ABI3BP: variants seen among roughly 807,000 people sequenced by gnomAD.
ABI3BP encodes the protein ABI family member 3 binding protein.
A neutral mutation model predicts 268.6 loss-of-function variants in ABI3BP; 216 were observed. That is an observed-to-expected ratio of 0.80 (90% CI 0.72 to 0.90). ABI3BP has a LOEUF of 0.90. Ranked by LOEUF, ABI3BP falls within the 40% of genes least tolerant of loss-of-function variation. ABI3BP has a pLI of 0.00. For synonymous variants in ABI3BP, 730 were observed against 730.0 expected, an observed-to-expected ratio of 1.00 and a Z score of 0.00; for missense variants, 2,090 against 2,182.4, an observed-to-expected ratio of 0.96 and a Z score of 0.84.
At chr3:100,766,588 C>T (rs962106783) in intron 62 of ABI3BP, among the ~76,000 whole-genome samples, 8 of 152,176 alleles carry the variant, frequency 5.3e-5, no homozygotes, top group Non-Finnish European at 1.0e-4. Context: ...AAATTAATGT[C>T]CTTAAAGTCT....
intron 2 of ABI3BP, among the ~76,000 whole-genome samples, chr3:100,924,313 A>G (rs973755531): frequency 3.9e-5 from 6 of 152,180 alleles, no homozygotes; most frequent in African/African-American, 1.4e-4. Context: ...CAACCCTGAA[A>G]AGACATTTTT....
At chr3:100,948,840 T>C (rs1335064149) in intron 1 of ABI3BP, among the ~76,000 whole-genome samples, 2 of 152,200 alleles carry the variant, frequency 1.3e-5, no homozygotes, top group Non-Finnish European at 1.5e-5. Flanking sequence ...AATCCAAACA[T>C]TCAAAATCCA....
chr3:100,926,173 G>C (rs2153639339), intron 2 of ABI3BP, 129 bp downstream of exon 2: 1 of 932,938 alleles, frequency 1.1e-6, no homozygotes. Flanking sequence ...AAGATGTCTT[G>C]TAATTCTACC....
chr3:100,849,959 A>C, intron 17 of ABI3BP, 86 bp downstream of exon 17: 1 of 1,235,966 alleles, frequency 8.1e-7, no homozygotes, highest in African/African-American at 1.5e-5. Context: ...AACAAAAGAA[A>C]AACAAAATTC....
intron 2 of ABI3BP, among the ~76,000 whole-genome samples, chr3:100,905,549 C>T (rs1251216936): frequency 6.7e-6 from 1 of 148,334 alleles, no homozygotes; most frequent in Non-Finnish European, 1.5e-5. Flanking sequence ...TTTTTTTTTC[C>T]AACTCTTCCT....
intron 4 of ABI3BP, among the ~76,000 whole-genome samples, chr3:100,894,967 A>C (rs13063649): frequency 8.3e-5 from 10 of 120,912 alleles, no homozygotes; most frequent in South Asian, 3.0e-4. Flanking sequence ...AAAAAAAAAA[A>C]CAGAAAAAAA....
chr3:100,823,458 C>A lies in ABI3BP; in HGVS notation c.2803G>T (p.Ala935Ser). ...GTCGAAAACACTGTATCAACGTTAC[C>A]TAATGTTGTTGAGGCCTCAGGTCTA... ...TLRPEASTTL[A>S]SKTSQRTRRP... The change falls in exon 37 of 68, where the codon GCT (alanine) becomes TCT (serine). Residue 935 changes from alanine to serine, a missense_variant and splice_region_variant. Transcript: ENST00000471714. 1 of 1,533,100 alleles carries A rather than the reference C, an allele frequency of 6.5e-7. No homozygotes were observed. The highest frequency in any genetic ancestry group is 8.7e-7 in the Non-Finnish European group (1 of 1,145,352). 95.0% of individuals were successfully genotyped at this position (1,533,100 alleles called of 1,614,324 possible). A position where few individuals can be genotyped will look rare whatever the true frequency, so the allele number is the denominator to read the frequency against.
At chr3:100,914,472 C>T in intron 2 of ABI3BP, 1 of 454,818 alleles carries the variant, frequency 2.2e-6, no homozygotes, top group Non-Finnish European at 4.4e-6. Context: ...GCAAAAATGA[C>T]TAGGAACAGC....
chr3:100,953,801 G>A (rs1487192095), intron 1 of ABI3BP, among the ~76,000 whole-genome samples: 2 of 152,080 alleles, frequency 1.3e-5, no homozygotes, highest in African/African-American at 4.8e-5. Flanking sequence ...TTGAAAGAAT[G>A]TTCCAGGTAA....
At chr3:100,991,417 A>T (rs2092896666) in intron 1 of ABI3BP, among the ~76,000 whole-genome samples, 1 of 152,190 alleles carries the variant, frequency 6.6e-6, no homozygotes, top group Non-Finnish European at 1.5e-5. Flanking sequence ...AGTGTGAGAA[A>T]CAAAAAGTTG....
intron 2 of ABI3BP, chr3:100,911,988 TG>T (rs1443226967): frequency 9.8e-6 from 8 of 814,560 alleles, no homozygotes; most frequent in Non-Finnish European, 1.7e-5. Context: ...AAAAAAAGCA[TG>T]GAATATATTT....
At chr3:100,913,686 T>C (rs765457340) in intron 2 of ABI3BP, among the ~76,000 whole-genome samples, 1 of 152,214 alleles carries the variant, frequency 6.6e-6, no homozygotes, top group Non-Finnish European at 1.5e-5. Context: ...TTGACTAATA[T>C]ACAATGCTAA....
intron 62 of ABI3BP, among the ~76,000 whole-genome samples, chr3:100,768,643 T>C (rs766480775): frequency 2.6e-5 from 4 of 152,266 alleles, no homozygotes; most frequent in Non-Finnish European, 4.4e-5. Flanking sequence ...TTCTAGTTTA[T>C]GCGGCATATT....
chr3:100,964,314 T>C (rs536017020), intron 1 of ABI3BP, among the ~76,000 whole-genome samples: 8 of 152,306 alleles, frequency 5.3e-5, no homozygotes, highest in African/African-American at 1.9e-4. Context: ...CAGCCTTCTT[T>C]GGGCACTATG....
At chr3:100,830,838 A>C (rs147845643) in intron 31 of ABI3BP, among the ~76,000 whole-genome samples, 56 of 152,280 alleles carry the variant, frequency 3.7e-4, no homozygotes, top group African/African-American at 1.2e-3. Flanking sequence ...GAAGACAGTC[A>C]GCAATAGCCT....
At chr3:100,923,275 C>G (rs923789662) in intron 2 of ABI3BP, among the ~76,000 whole-genome samples, 1 of 152,136 alleles carries the variant, frequency 6.6e-6, no homozygotes, top group Non-Finnish European at 1.5e-5. Flanking sequence ...TAAACAATCT[C>G]TCACATCCTC....
At chr3:100,918,326 A>C (rs1235922727) in intron 2 of ABI3BP, among the ~76,000 whole-genome samples, 1 of 151,066 alleles carries the variant, frequency 6.6e-6, no homozygotes, top group Non-Finnish European at 1.5e-5. Flanking sequence ...CCACCTGTCC[A>C]CCCGTCCACC....
chr3:100,810,803 A>T (rs2097845287), intron 48 of ABI3BP, among the ~76,000 whole-genome samples: 1 of 152,178 alleles, frequency 6.6e-6, no homozygotes, highest in South Asian at 2.1e-4. Context: ...GCAGCACTGA[A>T]TTTCACTTAA....
At chr3:100,839,989 C>T (rs2098667003) in intron 23 of ABI3BP, 83 bp downstream of exon 23, 2 of 1,159,020 alleles carry the variant, frequency 1.7e-6, no homozygotes, top group South Asian at 2.6e-5. Flanking sequence ...TCCTAAAGCC[C>T]AGTTGCTCAA....
Sources: gnomAD v4.1 joint callset for allele counts (sites outside exome capture counted in the v4.1 genomes callset) on GRCh38, gnomAD v4.1.1 for gene constraint, MANE v1.5 for transcripts, NCBI Gene and HGNC (gene_info 2026-07-23, HGNC 2026-07-21) for gene names.